CNNM2: variants seen among roughly 807,000 people sequenced by gnomAD.
CNNM2 encodes metal transporter CNNM2.
CNNM2 carries 12 observed loss-of-function variants against 66.9 expected under a neutral mutation model. That is an observed-to-expected ratio of 0.18 (90% confidence interval 0.11 to 0.29). The LOEUF is 0.29. CNNM2 is among the 10% of genes least tolerant of loss of function. CNNM2 has a pLI of 1.00. For missense variants in CNNM2, 705 were observed against 1,167.7 expected, an observed-to-expected ratio of 0.60 and a Z score of 5.77; for synonymous variants, 557 against 501.8, an observed-to-expected ratio of 1.11 and a Z score of -1.47.
intron 1 of CNNM2, among the ~76,000 whole-genome samples, chr10:102,934,643 C>G (rs889117637): frequency 5.9e-5 from 9 of 151,954 alleles, no homozygotes; most frequent in African/African-American, 2.2e-4. Flanking sequence ...AGTCTAGGGA[C>G]TTGGGATTGG....
rs1395591496 is a variant in CNNM2, at chr10:102,919,100, C to A, written c.620C>A (p.Ser207Tyr). The A allele has an allele frequency of 1.2e-6, 2 of 1,611,124 alleles. No homozygotes were observed. The highest frequency in any genetic ancestry group is 1.7e-6 in the Non-Finnish European group (2 of 1,179,140). The change falls in exon 1 of 8, where the codon TCC (serine) becomes TAC (tyrosine). Residue 207 changes from serine (S) to tyrosine (Y), a missense_variant. Physicochemically the swap from Ser to Tyr is moderately radical, Grantham distance 144. Around this residue, in one of 9 missense-constraint regions of CNNM2, gnomAD observed 100 missense variants for 151.9 expected, o/e 0.66. Transcript: ENST00000369878. ...GCCCTGGGCGCCGGCGGCTCGGGGT[C>A]CACGGGTGGCGCCGTCGGGGGCAAG... ...TPALGAGGSGSTGGAVGGKGG... is the reference protein window; with the variant it reads ...TPALGAGGSGYTGGAVGGKGG...
At chr10:102,923,034 G>A (rs1274823260) in intron 1 of CNNM2, among the ~76,000 whole-genome samples, 1 of 151,990 alleles carries the variant, frequency 6.6e-6, no homozygotes, top group Non-Finnish European at 1.5e-5. Flanking sequence ...ATTAGTCTGA[G>A]TTGTTCTTTA....
intron 4 of CNNM2, among the ~76,000 whole-genome samples, chr10:103,066,401 T>C (rs1273094526): frequency 6.6e-6 from 1 of 152,178 alleles, no homozygotes; most frequent in Non-Finnish European, 1.5e-5. Context: ...CTTCGAATCA[T>C]GCTGGTCCCT....
intron 2 of CNNM2, among the ~76,000 whole-genome samples, chr10:103,053,884 C>T (rs1239294001): frequency 6.6e-6 from 1 of 152,172 alleles, no homozygotes; most frequent in Non-Finnish European, 1.5e-5. Context: ...GGGAAGGGGC[C>T]TCTTACAGGC....
intron 1 of CNNM2, among the ~76,000 whole-genome samples, chr10:103,006,448 C>G (rs1267738579): frequency 6.6e-6 from 1 of 152,070 alleles, no homozygotes; most frequent in Non-Finnish European, 1.5e-5. Flanking sequence ...TCAAGTGATC[C>G]ACCCGCCTCA....
chr10:102,929,475 T>C (rs1318320506), intron 1 of CNNM2, among the ~76,000 whole-genome samples: 1 of 151,928 alleles, frequency 6.6e-6, no homozygotes, highest in Non-Finnish European at 1.5e-5. Flanking sequence ...TGACTAGTTA[T>C]TGTAGGTTTT....
chr10:102,957,281 G>T (rs1847077909), intron 1 of CNNM2, among the ~76,000 whole-genome samples: 1 of 152,178 alleles, frequency 6.6e-6, no homozygotes, highest in Admixed American at 6.5e-5. Flanking sequence ...ACTCCAGCCT[G>T]GGCAACAGAG....
chr10:103,068,794 C>A lies in CNNM2; in HGVS notation c.2167+72C>A, dbSNP rs114902589. 2.4e-3 allele frequency: 2,892 copies of A among 1,184,626 alleles called. 75 individuals are homozygous for A. The African/African-American group carries it at 0.04, about 16-fold the overall frequency. The allele number at this position is 1,184,626 out of a possible 1,614,324, so 73.4% of individuals were successfully genotyped here. A position where few individuals can be genotyped will look rare whatever the true frequency, so the allele number is the denominator to read the frequency against. ...GTAAGGCCCCTCTCCTTTCATCTTG[C>A]TTTCTGTATCTGCCAGCTGACCCCA... is the stretch of plus-strand genomic sequence containing the variant. On this transcript the variant is annotated intron_variant, in intron 5 of 7. Transcript: ENST00000369878.
At chr10:103,051,878 C>T (rs1230499824) in intron 2 of CNNM2, among the ~76,000 whole-genome samples, 2 of 152,194 alleles carry the variant, frequency 1.3e-5, no homozygotes, top group Non-Finnish European at 2.9e-5. Context: ...CACCCTTTCC[C>T]ACATCTGTTT....
chr10:103,009,674 C>CAAAAAA (rs36096913), intron 1 of CNNM2, among the ~76,000 whole-genome samples: 1 of 58,610 alleles, frequency 1.7e-5, no homozygotes, highest in Non-Finnish European at 3.1e-5. Context: ...CCTGAGTCTC[C>CAAAAAA]AAAAAAAAAA....
chr10:103,076,631 G>A (rs2065696823), intron 7 of CNNM2, among the ~76,000 whole-genome samples: 1 of 152,210 alleles, frequency 6.6e-6, no homozygotes, highest in South Asian at 2.1e-4. Flanking sequence ...GGGTTGCGGG[G>A]AAGGCTCCAC....
chr10:102,971,845 G>C (rs2063551949), intron 1 of CNNM2, among the ~76,000 whole-genome samples: 1 of 151,952 alleles, frequency 6.6e-6, no homozygotes, highest in East Asian at 1.9e-4. Flanking sequence ...TGGCCTATTT[G>C]GTAAGTGAAA....
intron 1 of CNNM2, among the ~76,000 whole-genome samples, chr10:103,019,728 A>G (rs1023750995): frequency 6.6e-6 from 1 of 152,226 alleles, no homozygotes; most frequent in African/African-American, 2.4e-5. Flanking sequence ...ATTGGAAACA[A>G]TGGAAATATC....
chr10:102,997,381 T>G (rs2064023028), intron 1 of CNNM2, among the ~76,000 whole-genome samples: 1 of 152,190 alleles, frequency 6.6e-6, no homozygotes. Flanking sequence ...GGGCCATTGA[T>G]AGGCCATTTT....
intron 6 of CNNM2, among the ~76,000 whole-genome samples, chr10:103,072,640 C>T (rs535310498): frequency 6.6e-5 from 10 of 152,372 alleles, no homozygotes; most frequent in South Asian, 2.1e-4. Flanking sequence ...CTAACTAATA[C>T]GTCCAGCTAT....
chr10:103,053,432 A>G (rs1239706917), intron 2 of CNNM2, among the ~76,000 whole-genome samples: 1 of 152,158 alleles, frequency 6.6e-6, no homozygotes, highest in Non-Finnish European at 1.5e-5. Flanking sequence ...TGAGAGGATC[A>G]CTTGAGCCTT....
chr10:102,978,160 C>T (rs1334926527), intron 1 of CNNM2, among the ~76,000 whole-genome samples: 1 of 151,672 alleles, frequency 6.6e-6, no homozygotes, highest in African/African-American at 2.4e-5. Context: ...CCACCCGCCT[C>T]GGCCTCCCAA....
intron 1 of CNNM2, among the ~76,000 whole-genome samples, chr10:102,972,147 A>G (rs2063555252): frequency 6.6e-6 from 1 of 152,168 alleles, no homozygotes; most frequent in Non-Finnish European, 1.5e-5. Context: ...GTATGCTTGC[A>G]ACGTGTTTCC....
At chr10:103,000,211 G>T (rs1324950141) in intron 1 of CNNM2, among the ~76,000 whole-genome samples, 1 of 151,708 alleles carries the variant, frequency 6.6e-6, no homozygotes, top group East Asian at 1.9e-4. Flanking sequence ...ACTCCAGCGT[G>T]TGTGACAAGA....
Sources: allele counts gnomAD v4.1 joint callset (sites outside exome capture counted in the v4.1 genomes callset), GRCh38; gene constraint gnomAD v4.1.1; regional missense constraint gnomAD v4.1.1; transcripts MANE v1.5; gene names NCBI Gene and HGNC (gene_info 2026-07-23, HGNC 2026-07-21).